ABR: variants seen among roughly 807,000 people sequenced by gnomAD.
The protein encoded by ABR is ABR activator of RhoGEF and GTPase, also known as active breakpoint cluster region-related protein.
ABR carries 35 observed loss-of-function variants against 107.2 expected under a neutral mutation model. That is an observed-to-expected ratio of 0.33 (90% CI 0.25 to 0.43). The LOEUF (loss-of-function observed/expected upper bound fraction) is 0.43, where lower values mean the gene tolerates loss of function less well. Among genes scored for constraint, ABR ranks in the 20% least tolerant of loss-of-function variants. The pLI is 1.00. For synonymous variants in ABR, 498 were observed against 462.0 expected, an observed-to-expected ratio of 1.08 and a Z score of -1.00; for missense variants, 815 against 1,115.2, an observed-to-expected ratio of 0.73 and a Z score of 3.83.
chr17:1,035,370 T>A (rs1459066354), intron 16 of ABR, among the ~76,000 whole-genome samples: 1 of 21,740 alleles, frequency 4.6e-5, no homozygotes, highest in Admixed American at 6.4e-4. Flanking sequence ...CCCCTACACC[T>A]GCTCCCCCAC....
chr17:1,194,915 G>A (rs1171199799), intron 1 of ABR, among the ~76,000 whole-genome samples: 1 of 137,324 alleles, frequency 7.3e-6, no homozygotes, highest in Non-Finnish European at 1.6e-5. Flanking sequence ...GCCTCCTAAA[G>A]TGCTGGAATT....
At chr17:1,049,488 G>A (rs1398507469) in intron 16 of ABR, among the ~76,000 whole-genome samples, 2 of 152,064 alleles carry the variant, frequency 1.3e-5, no homozygotes, top group Non-Finnish European at 2.9e-5. Flanking sequence ...TTAACCCGAG[G>A]TGCAGCCTCT....
chr17:1,096,050 A>G (rs1245640059), intron 3 of ABR, among the ~76,000 whole-genome samples: 1 of 152,158 alleles, frequency 6.6e-6, no homozygotes, highest in Non-Finnish European at 1.5e-5. Context: ...TCCCAAGCTC[A>G]GTTCCCAGTG....
intron 1 of ABR, among the ~76,000 whole-genome samples, chr17:1,135,196 G>A (rs1292944137): frequency 6.6e-6 from 1 of 152,112 alleles, no homozygotes. Flanking sequence ...TGAGCAGAGG[G>A]GGAGAGGGCC....
At position 1,006,124 on chromosome 17, in the gene ABR, C is replaced by A; in HGVS notation, c.2536G>T (p.Ala846Ser). The A allele has an allele frequency of 6.3e-7, 1 of 1,588,426 alleles. No individual in the cohort carries two copies. The highest frequency in any genetic ancestry group is 8.6e-7 in the Non-Finnish European group (1 of 1,167,158). Residue 846 changes from alanine (A) to serine (S), a missense_variant, in exon 23 of 23, where the codon GCA becomes TCA. Around this residue, in one of 5 missense-constraint regions of ABR, gnomAD observed 34 missense variants for 26.8 expected, o/e 1.27. Coordinates refer to ENST00000302538, the MANE Select transcript of ABR (RefSeq NM_021962.5). ...YYLQHPPISF[A>S]ELKRNTLYFS... ...TACAGTGTGTTCCGCTTGAGTTCTG[C>A]GAAGGAAATGGGGGGGTGCTGCAGG...
chr17:1,104,487 G>C (rs1016858069), intron 2 of ABR, among the ~76,000 whole-genome samples: 3 of 152,186 alleles, frequency 2.0e-5, no homozygotes, highest in African/African-American at 7.2e-5. Flanking sequence ...ATGCAGCGAG[G>C]GTCTGAGGCT....
intron 2 of ABR, chr17:1,108,818 C>CGGACTCT: frequency 2.7e-6 from 2 of 754,588 alleles, no homozygotes; most frequent in South Asian, 4.2e-5. Flanking sequence ...CGGGACCCTC[C>CGGACTCT]GCCGAGGGCT....
rs1049577064 is a variant in ABR at position 1,210,785 on chromosome 17, G to T, written c.838+18008C>A. On this transcript the variant is annotated intron_variant, in intron 1 of 22. Transcript: ENST00000574139. The surrounding 1 kb of genome is among the most constrained non-coding windows in gnomAD (Gnocchi z 5.6). ...GGCTTTTTCCTCCATGCTTTGCTTA[G>T]ACCAACCTTAGCCTCTTAAGGACAT... 6.6e-6 allele frequency among the ~76,000 whole-genome samples: 1 copy of T among 152,156 alleles called. No homozygotes were observed. The highest frequency in any genetic ancestry group is 1.9e-4 in the East Asian group (1 of 5,192).
At chr17:1,166,780 A>T (rs2041529579) in intron 1 of ABR, among the ~76,000 whole-genome samples, 1 of 152,124 alleles carries the variant, frequency 6.6e-6, no homozygotes, top group South Asian at 2.1e-4. Flanking sequence ...CGGGCGGATC[A>T]CCTGAGGTCA....
In ABR at chr17:1,053,644, C is replaced by T. The variant is rs144385314; in HGVS notation, c.1561+2391G>A. 2.1e-3 allele frequency among the ~76,000 whole-genome samples: 320 copies of T among 152,236 alleles called. 2 individuals are homozygous for T. The highest frequency in any genetic ancestry group is 7.2e-3 in the African/African-American group (299 of 41,502). On this transcript the variant is annotated intron_variant, in intron 14 of 22. Transcript: ENST00000302538. The stretch of plus-strand genomic sequence containing the variant: ...ACAGGGCCTCACCTCTGAGTGAGAA[C>T]AGACATATGAGTGGGTCAGGGGTGG...
At chr17:1,199,054 G>A (rs1419980181) in intron 1 of ABR, among the ~76,000 whole-genome samples, 14 of 129,892 alleles carry the variant, frequency 1.1e-4, no homozygotes, top group Admixed American at 1.6e-4. Flanking sequence ...ACTCTGACTC[G>A]AAAAAAAAAA....
intron 13 of ABR, among the ~76,000 whole-genome samples, chr17:1,056,399 C>A (rs2033280707): frequency 6.6e-6 from 1 of 152,170 alleles, no homozygotes; most frequent in African/African-American, 2.4e-5. Context: ...ACTGTCTCTC[C>A]CTCCAAATCC....
chr17:1,171,124 G>A (rs762465387), intron 1 of ABR, among the ~76,000 whole-genome samples: 10 of 152,198 alleles, frequency 6.6e-5, no homozygotes, highest in Non-Finnish European at 1.2e-4. Context: ...GTTTAGGCCC[G>A]AGGTAACGCG....
At chr17:1,128,452 G>A (rs1047153499) in intron 1 of ABR, among the ~76,000 whole-genome samples, 27 of 152,266 alleles carry the variant, frequency 1.8e-4, no homozygotes, top group African/African-American at 6.0e-4. Context: ...CGGAGCGGCA[G>A]TGCACCCAGC....
At chr17:1,192,275 C>CCAAGATCCGCCTTCCT (rs2042452403), upstream of ABR, among the ~76,000 whole-genome samples, 1 of 152,148 alleles carries the variant, frequency 6.6e-6, no homozygotes, top group Non-Finnish European at 1.5e-5. Context: ...CGGCGCCCTG[C>CCAAGATCCGCCTTCCT]AGAAAAGTTA....
intron 10 of ABR, 69 bp from the exon 11 acceptor site, chr17:1,058,936 G>C (rs752282599): frequency 1.3e-5 from 21 of 1,584,868 alleles, no homozygotes; most frequent in African/African-American, 1.2e-4. Context: ...CACTAAGCAC[G>C]ACACTCCACT....
intron 3 of ABR, among the ~76,000 whole-genome samples, chr17:1,098,934 C>T (rs1457318919): frequency 6.6e-5 from 10 of 152,212 alleles, no homozygotes; most frequent in African/African-American, 2.4e-4. Flanking sequence ...TACAGGGGCC[C>T]GCCACCACGC....
At chr17:1,082,359 G>C (rs1417009006) in intron 5 of ABR, among the ~76,000 whole-genome samples, 1 of 152,230 alleles carries the variant, frequency 6.6e-6, no homozygotes, top group Non-Finnish European at 1.5e-5. Context: ...ATGGCAGATA[G>C]GACTGCACCT....
rs1395977632 is a variant in ABR at position 1,194,716 on chromosome 17, C to T, written c.838+34077G>A. Among the ~76,000 whole-genome samples, 6 of 123,502 alleles carry T rather than the reference C, an allele frequency of 4.9e-5. 1 individual carries two copies. Among genetic ancestry groups the T allele is most frequent in the Non-Finnish European group, 6.9e-5 (4 of 57,892 alleles). The allele number at this position is 123,502 out of a possible 152,430, so 81.0% of individuals were successfully genotyped here. ...TTGCCCAGGCTGGAGTGCAGTGGTG[C>T]GGTCTCAGCTCACTGCAACCTCCAC... On this transcript the variant is annotated intron_variant, in intron 1 of 22. Transcript: ENST00000574139.
Sources: allele counts gnomAD v4.1 joint callset (sites outside exome capture counted in the v4.1 genomes callset), GRCh38; gene constraint gnomAD v4.1.1; regional missense constraint gnomAD v4.1.1; non-coding constraint Gnocchi (gnomAD v3.1); transcripts MANE v1.5; gene names NCBI Gene and HGNC (gene_info 2026-07-23, HGNC 2026-07-21).